Variants in TMEM132B observed in about 807,000 individuals in gnomAD.
TMEM132B encodes the protein transmembrane protein 132B.
A neutral mutation model predicts 90.8 loss-of-function variants in TMEM132B; 18 were observed. The observed-to-expected ratio is 0.20, with a 90% CI of 0.14 to 0.29. The LOEUF (loss-of-function observed/expected upper bound fraction) is 0.29, where lower values mean the gene tolerates loss of function less well. TMEM132B is among the 10% of genes least tolerant of loss of function. The pLI, the probability that TMEM132B is intolerant of heterozygous loss-of-function variation, is 1.00. For synonymous variants in TMEM132B, 504 were observed against 523.3 expected (o/e 0.96, Z 0.50); for missense variants, 1,096 against 1,326.8 (o/e 0.83, Z 2.70).
At chr12:125,425,745 T>C (rs2136386928) in intron 3 of TMEM132B, among the ~76,000 whole-genome samples, 1 of 152,352 alleles carries the variant, frequency 6.6e-6, no homozygotes, top group Admixed American at 6.5e-5. Flanking sequence ...GCAATATGCA[T>C]TTCAGTTTCC....
chr12:125,626,882 A>AT (rs139395613), intron 5 of TMEM132B, among the ~76,000 whole-genome samples: 15,542 of 152,052 alleles, frequency 0.1, 1,066 homozygotes, highest in South Asian at 0.2. Flanking sequence ...TTTTTCAAAT[A>AT]TTTTTTGAGC....
At chr12:125,595,189 G>A (rs575159402) in intron 5 of TMEM132B, among the ~76,000 whole-genome samples, 12 of 152,272 alleles carry the variant, frequency 7.9e-5, no homozygotes, top group African/African-American at 2.9e-4. Context: ...CCCTTAGCTG[G>A]CAGCTCCATG....
intron 5 of TMEM132B, among the ~76,000 whole-genome samples, chr12:125,643,217 C>T (rs879631683): frequency 1.3e-5 from 2 of 152,184 alleles, no homozygotes; most frequent in Non-Finnish European, 2.9e-5. Flanking sequence ...GGGGCCCTGC[C>T]AGCAGCACAG....
chr12:125,621,855 G>A (rs115704910), intron 5 of TMEM132B, among the ~76,000 whole-genome samples: 2,305 of 152,278 alleles, frequency 0.015, 51 homozygotes, highest in African/African-American at 0.05. Context: ...TCAGGATGAC[G>A]TGATCATAAA....
chr12:125,631,508 G>C (rs1328170805), intron 5 of TMEM132B, among the ~76,000 whole-genome samples: 2 of 152,060 alleles, frequency 1.3e-5, no homozygotes, highest in Admixed American at 1.3e-4. Flanking sequence ...AAATCCATTT[G>C]GTCTATAGTG....
At chr12:125,563,419 C>A (rs1463853112) in intron 4 of TMEM132B, among the ~76,000 whole-genome samples, 29 of 151,976 alleles carry the variant, frequency 1.9e-4, no homozygotes, top group African/African-American at 7.0e-4. Flanking sequence ...CTAACCTGGC[C>A]AACACGGTGA....
intron 4 of TMEM132B, among the ~76,000 whole-genome samples, chr12:125,566,835 CTTTTTTTTTTTTT>C (rs869196346): frequency 2.2e-4 from 17 of 78,744 alleles, no homozygotes; most frequent in African/African-American, 9.2e-4. Flanking sequence ...TCTTCTTCTT[CTTTTTTTTTTTTT>C]TTTTTTTTTT....
intron 2 of TMEM132B, among the ~76,000 whole-genome samples, chr12:125,405,832 T>A (rs1879456845): frequency 6.6e-6 from 1 of 152,028 alleles, no homozygotes; most frequent in Non-Finnish European, 1.5e-5. Context: ...GGAAAGTGTC[T>A]GGCTCAGGGG....
At chr12:125,347,600 G>A (rs1377518138) in intron 1 of TMEM132B, among the ~76,000 whole-genome samples, 1 of 152,228 alleles carries the variant, frequency 6.6e-6, no homozygotes, top group Non-Finnish European at 1.5e-5. Flanking sequence ...CAGAGGGAAT[G>A]GAGTGGGATT....
intron 2 of TMEM132B, among the ~76,000 whole-genome samples, chr12:125,388,835 T>C (rs138171132): frequency 1.2e-3 from 189 of 152,350 alleles, no homozygotes; most frequent in Middle Eastern, 0.01. Context: ...ATCAGAACTT[T>C]TGTAGCATCC....
Position 125,541,882 on chromosome 12 carries a change from G to A in TMEM132B, c.1293+22257G>A, listed in dbSNP as rs113137023. Among the ~76,000 whole-genome samples the A allele has an allele frequency of 4.2e-3, 634 of 151,820 alleles. 5 individuals are homozygous for A. The highest frequency in any genetic ancestry group is 0.014 in the African/African-American group (588 of 41,384). On this transcript the variant is annotated intron_variant, in intron 4 of 8. Transcript: ENST00000682704. ...AAAAAAAATATATAAAAAATTAGCC[G>A]GGCGTGGTGGCGGGCACCTGTAGTC...
At chr12:125,284,689 C>A (rs993834230) in intron 1 of TMEM132B, among the ~76,000 whole-genome samples, 2 of 152,088 alleles carry the variant, frequency 1.3e-5, no homozygotes, top group Non-Finnish European at 2.9e-5. Flanking sequence ...TTTTTATTTG[C>A]TGTTATAAAC....
chr12:125,574,455 A>G (rs1029929012), intron 4 of TMEM132B, among the ~76,000 whole-genome samples: 2 of 152,182 alleles, frequency 1.3e-5, no homozygotes, highest in African/African-American at 4.8e-5. Context: ...TTTCCTTTGT[A>G]AAACAAGGTA....
intron 5 of TMEM132B, among the ~76,000 whole-genome samples, chr12:125,613,406 T>A (rs1885911086): frequency 6.6e-6 from 1 of 151,050 alleles, no homozygotes; most frequent in African/African-American, 2.4e-5. Context: ...TCCAGTCTGT[T>A]AATCTGCCTA....
chr12:125,234,132 T>G lies in TMEM132B; in HGVS notation c.67+47266T>G, dbSNP rs115953174. Among the ~76,000 whole-genome samples the G allele has an allele frequency of 6.4e-3, 980 of 152,330 alleles. 11 individuals are homozygous for G. Among genetic ancestry groups the G allele is most frequent in the African/African-American group, 0.023 (937 of 41,574 alleles). ...CTTTGTAAATATTTCCTGGATTATA[T>G]TCTGTCTGTGGGCAAGTGGCTGTGG... On this transcript the variant is annotated intron_variant, in intron 1 of 8. Coordinates refer to ENST00000682704, the MANE Select transcript of TMEM132B (RefSeq NM_001366854.1).
At chr12:125,270,113 TG>T (rs1384422306) in intron 1 of TMEM132B, among the ~76,000 whole-genome samples, 1 of 6,668 alleles carries the variant, frequency 1.5e-4, no homozygotes, top group African/African-American at 9.9e-4. Context: ...ACATCTTTGT[TG>T]TGTGTGTGTG....
rs565281437 is a variant in TMEM132B, at chr12:125,255,075, C to T, written c.67+68209C>T. Among the ~76,000 whole-genome samples, 43 of 152,232 alleles carry T rather than the reference C, an allele frequency of 2.8e-4. 1 individual carries two copies. The highest frequency in any genetic ancestry group is 9.6e-4 in the African/African-American group (40 of 41,546). On this transcript the variant is annotated intron_variant, in intron 1 of 8. Coordinates refer to ENST00000682704, the MANE Select transcript of TMEM132B (RefSeq NM_001366854.1). ...TGATTTGATGATATGCGTGGAAATG[C>T]GGGGAGCAGCTGAGGGAGGGTGTTG...
Position 125,495,271 on chromosome 12 carries a change from G to A in TMEM132B, c.1107-24168G>A, listed in dbSNP as rs1284295520. Among the ~76,000 whole-genome samples the A allele has an allele frequency of 8.3e-4, 75 of 90,036 alleles. 1 individual carries two copies. The highest frequency in any genetic ancestry group is 3.2e-3 in the African/African-American group (70 of 21,932). The allele number at this position is 90,036 out of a possible 152,430, so 59.1% of individuals were successfully genotyped here. On this transcript the variant is annotated intron_variant, in intron 3 of 8. Transcript: ENST00000682704. ...CCCCCTCCTCCCTGTAAATGGCTGC[G>A]TCCCTCCTCCCCCTCCTCCCTGTAA...
intron 3 of TMEM132B, among the ~76,000 whole-genome samples, chr12:125,486,234 G>T (rs751521874): frequency 1.3e-5 from 2 of 152,138 alleles, no homozygotes; most frequent in African/African-American, 2.4e-5. Flanking sequence ...TATAAAGGCT[G>T]GCATGATCTC....
Sources: allele counts gnomAD v4.1 joint callset (sites outside exome capture counted in the v4.1 genomes callset), GRCh38; gene constraint gnomAD v4.1.1; transcripts MANE v1.5; gene names NCBI Gene and HGNC (gene_info 2026-07-23, HGNC 2026-07-21).